The following NUP153 variants were observed in gnomAD, a reference collection of about 807,000 sequenced individuals.
NUP153 encodes nuclear pore complex protein Nup153.
In NUP153, 27 loss-of-function variants were observed where a neutral mutation model predicts 134.6. The observed-to-expected ratio is 0.20, with a 90% CI of 0.15 to 0.28. The LOEUF (loss-of-function observed/expected upper bound fraction) is 0.28. NUP153 is among the 10% of genes least tolerant of loss of function. NUP153 has a pLI of 1.00. For missense variants in NUP153, 1,821 were observed against 1,731.3 expected (o/e 1.05, Z -0.92); for synonymous variants, 640 against 623.5 (o/e 1.03, Z -0.40).
chr6:17,622,899 G>A (rs1764718067), intron 20 of NUP153, among the ~76,000 whole-genome samples: 1 of 152,128 alleles, frequency 6.6e-6, no homozygotes, highest in Non-Finnish European at 1.5e-5. Context: ...GGGAGGCCGA[G>A]GTGGGTGGAT....
At chr6:17,654,083 C>T (rs1473716691) in intron 11 of NUP153, among the ~76,000 whole-genome samples, 1 of 152,174 alleles carries the variant, frequency 6.6e-6, no homozygotes, top group Non-Finnish European at 1.5e-5. Context: ...CTAACTGCTA[C>T]TGTGTGTATA....
chr6:17,706,440 C>A lies in NUP153; in HGVS notation c.-53G>T. The A allele has an allele frequency of 2.0e-6, 3 of 1,465,370 alleles. No individual in the cohort carries two copies. The highest frequency in any genetic ancestry group is 1.9e-6 in the Non-Finnish European group (2 of 1,060,498). The allele number at this position is 1,465,370 out of a possible 1,614,324, so 90.8% of individuals were successfully genotyped here. A position where few individuals can be genotyped will look rare whatever the true frequency, so the allele number is the denominator to read the frequency against. ...GGGGCGGGTAAGGGGGCGGGAGAGG[C>A]AGAGGCGGAGGCCTTAGAGAGCCTC... On this transcript the variant is annotated 5_prime_UTR_variant, in exon 1 of 22. Coordinates refer to ENST00000262077, the MANE Select transcript of NUP153 (RefSeq NM_005124.4). The surrounding 1 kb of genome is among the most constrained non-coding windows in gnomAD (Gnocchi z 5.9).
chr6:17,688,635 CAT>C lies in NUP153; in HGVS notation c.112-19_112-18del. 3 of 1,561,480 alleles carry C rather than the reference CAT, an allele frequency of 1.9e-6. No individual in the cohort carries two copies. Among genetic ancestry groups the C allele is most frequent in the Non-Finnish European group, 2.6e-6 (3 of 1,138,740 alleles). Reference sequence around the variant, plus strand: ...AAGAATGCCCTGTTGAGAGAAAAAACATATTATGACAGTTTTAGAAATTTATC... The same window carrying C: ...AAGAATGCCCTGTTGAGAGAAAAAACATTATGACAGTTTTAGAAATTTATC... On this transcript the variant is annotated intron_variant, in intron 1 of 21. Coordinates refer to ENST00000262077, the MANE Select transcript of NUP153 (RefSeq NM_005124.4).
At position 17,634,956 on chromosome 6, in the gene NUP153, G is replaced by A. The variant is rs116588261; in HGVS notation, c.2465-2112C>T. The stretch of plus-strand genomic sequence containing the variant: ...TATACTAACACTAGCAACAGCTGAT[G>A]AGCTTTAAAACAAATTAAAAAATAA... On this transcript the variant is annotated intron_variant, in intron 16 of 21. Transcript: ENST00000262077. 5.7e-3 allele frequency among the ~76,000 whole-genome samples: 788 copies of A among 139,188 alleles called. 8 individuals are homozygous for A. The highest frequency in any genetic ancestry group is 0.021 in the African/African-American group (766 of 37,158). The allele number at this position is 139,188 out of a possible 152,430, so 91.3% of individuals were successfully genotyped here.
Position 17,620,095 on chromosome 6 carries a change from CAAAAAAAAAAAAAA to C in NUP153, c.4175-3414_4175-3401del, listed in dbSNP as rs58013807. 5.2e-3 allele frequency among the ~76,000 whole-genome samples: 329 copies of C among 63,022 alleles called. 1 individual carries two copies. Among genetic ancestry groups the C allele is most frequent in the African/African-American group, 0.024 (311 of 12,930 alleles). 41.3% of individuals were successfully genotyped at this position (63,022 alleles called of 152,430 possible). On this transcript the variant is annotated intron_variant, in intron 20 of 21. Coordinates refer to ENST00000262077, the MANE Select transcript of NUP153 (RefSeq NM_005124.4). The stretch of plus-strand genomic sequence containing the variant: ...CCTGGGCAACAGAGCAAGACACCAT[CAAAAAAAAAAAAAA>C]AAAAAAAAAAAAGGAAGGGAGGGAG...
chr6:17,647,170 G>C (rs936700140), intron 13 of NUP153, among the ~76,000 whole-genome samples: 1 of 152,016 alleles, frequency 6.6e-6, no homozygotes, highest in African/African-American at 2.4e-5. Context: ...CAGAAGACAA[G>C]GACACAGTCA....
chr6:17,667,578 G>C (rs1767612896), intron 8 of NUP153, among the ~76,000 whole-genome samples: 1 of 152,148 alleles, frequency 6.6e-6, no homozygotes, highest in African/African-American at 2.4e-5. Flanking sequence ...GCCAGGCATG[G>C]TGATAGGCGC....
At chr6:17,654,584 T>G (rs1766698884) in intron 11 of NUP153, among the ~76,000 whole-genome samples, 1 of 152,088 alleles carries the variant, frequency 6.6e-6, no homozygotes, top group Non-Finnish European at 1.5e-5. Flanking sequence ...CCTCCGAAAG[T>G]GCTGCGATTA....
intron 1 of NUP153, among the ~76,000 whole-genome samples, chr6:17,702,383 C>T (rs1165789691): frequency 6.6e-6 from 1 of 152,198 alleles, no homozygotes; most frequent in Non-Finnish European, 1.5e-5. Flanking sequence ...GGCAAGGCAC[C>T]TGTAGTCCCA....
chr6:17,704,236 G>T (rs1770317592), intron 1 of NUP153, among the ~76,000 whole-genome samples: 1 of 151,316 alleles, frequency 6.6e-6, no homozygotes, highest in African/African-American at 2.4e-5. Context: ...AGCTTGCAGT[G>T]AGCCAAGATC....
At chr6:17,671,041 C>G (rs1767876582) in intron 5 of NUP153, among the ~76,000 whole-genome samples, 1 of 152,054 alleles carries the variant, frequency 6.6e-6, no homozygotes, top group African/African-American at 2.4e-5. Flanking sequence ...GAACTCCTGA[C>G]CTCAGGTGAT....
chr6:17,616,488 C>T, intron 21 of NUP153, 39 bp downstream of exon 21: 1 of 1,556,980 alleles, frequency 6.4e-7, no homozygotes, highest in Non-Finnish European at 8.7e-7. Flanking sequence ...CATACCCTTA[C>T]CAATGTAACT....
Position 17,626,119 on chromosome 6 carries a change from G to C in NUP153, c.3590C>G (p.Ser1197Cys). The change falls in exon 19 of 22, where the codon TCC becomes TGC. Residue 1197 changes from serine to cysteine, a missense_variant. Transcript: ENST00000262077. ...KPVFSFLNNS[S>C]SSSSTPATSA... ...AGTGGCTGGTGTACTTGAACTAGAG[G>C]AACTGTTGTTCAAGAAACTAAAAAC... 1 of 1,613,376 alleles carries C rather than the reference G, an allele frequency of 6.2e-7. No individual in the cohort carries two copies. Among genetic ancestry groups the C allele is most frequent in the African/African-American group, 1.3e-5 (1 of 75,012 alleles).
intron 11 of NUP153, among the ~76,000 whole-genome samples, chr6:17,661,151 T>TA (rs554540315): frequency 4.1e-4 from 62 of 152,010 alleles, no homozygotes; most frequent in Admixed American, 3.8e-3. Flanking sequence ...CCATCTCTAC[T>TA]AAAAATACAA....
At chr6:17,692,127 T>C (rs1037942499) in intron 1 of NUP153, among the ~76,000 whole-genome samples, 2 of 152,212 alleles carry the variant, frequency 1.3e-5, no homozygotes, top group African/African-American at 4.8e-5. Context: ...AGATCCCTCA[T>C]GTGGCAACAT....
chr6:17,672,705 T>C (rs966135771), intron 5 of NUP153, among the ~76,000 whole-genome samples: 6 of 151,724 alleles, frequency 4.0e-5, no homozygotes, highest in African/African-American at 9.7e-5. Context: ...ACAAAAAACC[T>C]TGGCCAGGCA....
chr6:17,669,483 A>C lies in NUP153; in HGVS notation c.916T>G (p.Ser306Ala), dbSNP rs1767763820. ...LSAQSYGVTS[S>A]TARRILQSLE... ...GACTGCAATATTCGCCGAGCTGTTG[A>C]ACTGGTCACACCGTAAGATTGTGCA... The change falls in exon 6 of 22, where the codon TCA becomes GCA. Residue 306 changes from serine (S) to alanine (A), a missense_variant. Physicochemically the swap from Ser to Ala is moderately conservative, Grantham distance 99. Transcript: ENST00000262077. 6.2e-7 allele frequency: 1 copy of C among 1,614,148 alleles called. No homozygotes were observed. The highest frequency in any genetic ancestry group is 8.5e-7 in the Non-Finnish European group (1 of 1,179,994).
intron 2 of NUP153, among the ~76,000 whole-genome samples, chr6:17,685,981 C>A (rs888222485): frequency 2.6e-5 from 4 of 151,792 alleles, no homozygotes; most frequent in African/African-American, 9.7e-5. Flanking sequence ...CTCGTCTCCA[C>A]AAAAAAATTA....
At chr6:17,686,488 C>T (rs979577847) in intron 2 of NUP153, among the ~76,000 whole-genome samples, 10 of 151,444 alleles carry the variant, frequency 6.6e-5, no homozygotes, top group African/African-American at 2.2e-4. Flanking sequence ...CTCCGCCTCC[C>T]GGGTTCATGC....
Sources: gnomAD v4.1 joint callset for allele counts (sites outside exome capture counted in the v4.1 genomes callset) on GRCh38, gnomAD v4.1.1 for gene constraint, Gnocchi (gnomAD v3.1) non-coding constraint, MANE v1.5 for transcripts, NCBI Gene and HGNC (gene_info 2026-07-23, HGNC 2026-07-21) for gene names.